The following HDAC8 variants were observed in gnomAD, a reference collection of about 807,000 sequenced individuals.
HDAC8 encodes histone deacetylase 8.
HDAC8 carries 1 observed loss-of-function variant against 32.2 expected under a neutral mutation model. The observed-to-expected ratio is 0.03, with a 90% confidence interval of 0.01 to 0.15. HDAC8 has a LOEUF of 0.15. Among genes scored for constraint, HDAC8 ranks in the 10% least tolerant of loss-of-function variants. The pLI is 1.00. For missense variants in HDAC8, 117 were observed against 300.0 expected, an observed-to-expected ratio of 0.39 and a Z score of 4.51; for synonymous variants, 108 against 113.9, an observed-to-expected ratio of 0.95 and a Z score of 0.33.
chrX:72,420,040 C>A (rs1303779061), intron 9 of HDAC8, among the ~76,000 whole-genome samples: 1 of 111,573 alleles, frequency 9.0e-6, no homozygotes, highest in Non-Finnish European at 1.9e-5. Flanking sequence ...TGTCTATATT[C>A]ATAAGATACA....
intron 9 of HDAC8, among the ~76,000 whole-genome samples, chrX:72,443,872 G>A (rs1473460124): frequency 9.1e-6 from 1 of 109,614 alleles, no homozygotes; most frequent in Non-Finnish European, 1.9e-5. Context: ...CGATCACACA[G>A]AAATACAAAC....
At chrX:72,399,447 G>A (rs1319843739) in intron 9 of HDAC8, among the ~76,000 whole-genome samples, 6 of 112,103 alleles carry the variant, frequency 5.4e-5, no homozygotes, top group Non-Finnish European at 7.5e-5. Context: ...GAATGCCTTG[G>A]CTTTTCTTGC....
At chrX:72,559,837 T>G (rs1461579556) in intron 4 of HDAC8, among the ~76,000 whole-genome samples, 1 of 99,252 alleles carries the variant, frequency 1.0e-5, no homozygotes, top group Non-Finnish European at 2.0e-5. Context: ...GCCCAGCAGC[T>G]GCCCCGTCTG....
At chrX:72,441,579 G>A (rs1254027283) in intron 9 of HDAC8, among the ~76,000 whole-genome samples, 2 of 111,513 alleles carry the variant, frequency 1.8e-5, no homozygotes, top group Non-Finnish European at 3.8e-5. Flanking sequence ...AAACCACAAA[G>A]ATGGGGAAAA....
At chrX:72,567,609 A>T (rs1188821677) in intron 4 of HDAC8, 1 of 564,930 alleles carries the variant, frequency 1.8e-6, no homozygotes, top group African/African-American at 2.3e-5. Context: ...CATTTTATTG[A>T]TGAAGAAACT....
intron 4 of HDAC8, among the ~76,000 whole-genome samples, chrX:72,516,672 T>C (rs1377620522): frequency 8.9e-6 from 1 of 112,026 alleles, no homozygotes; most frequent in African/African-American, 3.2e-5. Flanking sequence ...AGACACACAT[T>C]AAACACTTAT....
intron 9 of HDAC8, among the ~76,000 whole-genome samples, chrX:72,367,494 G>A (rs1038328895): frequency 1.8e-5 from 2 of 112,291 alleles, no homozygotes; most frequent in African/African-American, 3.2e-5. Context: ...GTGTGAAAAG[G>A]TCTGAGGCTA....
At chrX:72,427,513 C>T (rs1487111721) in intron 9 of HDAC8, among the ~76,000 whole-genome samples, 4 of 104,729 alleles carry the variant, frequency 3.8e-5, no homozygotes, top group African/African-American at 1.0e-4. Context: ...AACCAAACAC[C>T]GCATGTTCTC....
At chrX:72,567,647 G>T in intron 4 of HDAC8, 1 of 935,155 alleles carries the variant, frequency 1.1e-6, no homozygotes, top group Non-Finnish European at 1.5e-6. Context: ...ATCAGTCCAA[G>T]TCAGTTAGCC....
At position 72,551,525 on chromosome X, in the gene HDAC8, C is replaced by T. The variant is rs56684154; in HGVS notation, c.437+16364G>A. On this transcript the variant is annotated intron_variant, in intron 4 of 10. Coordinates refer to ENST00000373573, the MANE Select transcript of HDAC8 (RefSeq NM_018486.3). Reference sequence around the variant, plus strand: ...TCCTAATCAAACCCTACCCCTTCCACTATTACTCTAAAATTTTGGTCCCCC... The same window carrying T: ...TCCTAATCAAACCCTACCCCTTCCATTATTACTCTAAAATTTTGGTCCCCC... Among the ~76,000 whole-genome samples the T allele has an allele frequency of 0.065, 7,239 of 111,654 alleles. 801 individuals carry two copies. In the East Asian group the frequency reaches 0.67, roughly 10 times the overall value.
intron 9 of HDAC8, among the ~76,000 whole-genome samples, chrX:72,442,951 A>T (rs2047207833): frequency 9.2e-6 from 1 of 108,694 alleles, no homozygotes; most frequent in Admixed American, 9.8e-5. Context: ...GCCATTACAT[A>T]ATGGTAAAGG....
chrX:72,341,288 G>A (rs1254447615), intron 10 of HDAC8, among the ~76,000 whole-genome samples: 1 of 111,817 alleles, frequency 8.9e-6, no homozygotes, highest in Non-Finnish European at 1.9e-5. Context: ...TAGTGTGCAC[G>A]TATGTGTCAG....
intron 9 of HDAC8, among the ~76,000 whole-genome samples, chrX:72,421,685 G>A (rs1365001342): frequency 8.9e-6 from 1 of 112,169 alleles, no homozygotes; most frequent in Admixed American, 9.4e-5. Flanking sequence ...AAAGAGTCAA[G>A]TTACAGACCA....
intron 7 of HDAC8, among the ~76,000 whole-genome samples, chrX:72,484,536 C>T (rs2048610296): frequency 8.9e-6 from 1 of 112,244 alleles, no homozygotes; most frequent in Admixed American, 9.4e-5. Flanking sequence ...ATAAGCACTT[C>T]ATATATGGTT....
chrX:72,431,022 C>T (rs1471685094), intron 9 of HDAC8, among the ~76,000 whole-genome samples: 1 of 111,887 alleles, frequency 8.9e-6, no homozygotes, highest in African/African-American at 3.2e-5. Flanking sequence ...AGTCTCTTCA[C>T]CCCACTATCT....
At chrX:72,479,736 G>T (rs1247732190) in intron 7 of HDAC8, among the ~76,000 whole-genome samples, 1 of 112,497 alleles carries the variant, frequency 8.9e-6, no homozygotes, top group Non-Finnish European at 1.9e-5. Flanking sequence ...AGTCATAAAA[G>T]ACATCAGTTG....
chrX:72,563,942 A>C (rs1307518767), intron 4 of HDAC8, among the ~76,000 whole-genome samples: 1 of 111,527 alleles, frequency 9.0e-6, no homozygotes, highest in Non-Finnish European at 1.9e-5. Flanking sequence ...CAGGCAGATC[A>C]TGAGGTCAGG....
At chrX:72,472,169 G>A (rs1308076511) in intron 7 of HDAC8, among the ~76,000 whole-genome samples, 1 of 105,795 alleles carries the variant, frequency 9.5e-6, no homozygotes, top group Non-Finnish European at 2.0e-5. Context: ...CCGGGTTCAC[G>A]CCATTCTCCT....
At chrX:72,463,989 C>T (rs1263943020) in intron 8 of HDAC8, among the ~76,000 whole-genome samples, 2 of 111,850 alleles carry the variant, frequency 1.8e-5, no homozygotes, top group African/African-American at 3.2e-5. Context: ...ATAGACCGGG[C>T]TTTCTTTTGG....
Sources: gnomAD v4.1 joint callset for allele counts (sites outside exome capture counted in the v4.1 genomes callset) on GRCh38, gnomAD v4.1.1 for gene constraint, MANE v1.5 for transcripts, NCBI Gene and HGNC (gene_info 2026-07-23, HGNC 2026-07-21) for gene names.